Variants in SGCZ observed in about 807,000 individuals in gnomAD.
The protein encoded by SGCZ is zeta-sarcoglycan.
In SGCZ, 40 loss-of-function variants were observed where a neutral mutation model predicts 41.3. The observed-to-expected ratio is 0.97, with a 90% CI of 0.75 to 1.26. The LOEUF is 1.26. SGCZ is among the 50% of genes most tolerant of loss of function. The pLI, the probability that SGCZ is intolerant of heterozygous loss-of-function variation, is 0.00. For synonymous variants in SGCZ, 206 were observed against 137.5 expected (o/e 1.50, Z -3.49); for missense variants, 552 against 369.8 (o/e 1.49, Z -4.04).
chr8:14,966,205 G>A (rs1215255600), intron 1 of SGCZ, among the ~76,000 whole-genome samples: 1 of 151,752 alleles, frequency 6.6e-6, no homozygotes, highest in East Asian at 1.9e-4. Context: ...AGGCAAGAAT[G>A]ACTCCTATAA....
At chr8:15,124,949 T>C (rs1309788558) in intron 1 of SGCZ, among the ~76,000 whole-genome samples, 1 of 151,976 alleles carries the variant, frequency 6.6e-6, no homozygotes, top group African/African-American at 2.4e-5. Flanking sequence ...CTATGAATTA[T>C]GAAAAAAAAC....
rs567849734 is a variant in SGCZ, at chr8:14,692,511, T to A, written c.40-137585A>T. Among the ~76,000 whole-genome samples the A allele has an allele frequency of 8.5e-5, 13 of 152,308 alleles. No individual in the cohort carries two copies. The South Asian group carries it at 2.7e-3, about 32-fold the overall frequency. On this transcript the variant is annotated intron_variant, in intron 1 of 7. Coordinates refer to ENST00000382080, the MANE Select transcript of SGCZ (RefSeq NM_139167.4). The stretch of plus-strand genomic sequence containing the variant: ...GAAAGTAATCTTGGTTTATATTTCC[T>A]AGCATTAAAATATTCTTGTTGTACA...
At chr8:14,152,688 G>A (rs552434730) in intron 5 of SGCZ, among the ~76,000 whole-genome samples, 1 of 152,174 alleles carries the variant, frequency 6.6e-6, no homozygotes, top group East Asian at 1.9e-4. Context: ...ATTTATCTCA[G>A]ATAAAGAAAA....
chr8:14,168,643 C>T (rs779515142), intron 4 of SGCZ, among the ~76,000 whole-genome samples: 6 of 152,244 alleles, frequency 3.9e-5, no homozygotes, highest in African/African-American at 1.2e-4. Flanking sequence ...GTCCATAAAC[C>T]GCTTTTTCTT....
intron 2 of SGCZ, among the ~76,000 whole-genome samples, chr8:14,326,267 G>A (rs976518899): frequency 1.3e-5 from 2 of 152,068 alleles, no homozygotes; most frequent in African/African-American, 2.4e-5. Context: ...TGTGTTCAGG[G>A]ATGTTGTGAT....
chr8:14,570,920 T>G (rs979003262), intron 1 of SGCZ, among the ~76,000 whole-genome samples: 1 of 152,214 alleles, frequency 6.6e-6, no homozygotes, highest in African/African-American at 2.4e-5. Flanking sequence ...TGGTTATGTA[T>G]GTAAAATACA....
chr8:14,886,030 T>TATATATATATATATATATATATATAC (rs1554517469), intron 1 of SGCZ, among the ~76,000 whole-genome samples: 1 of 98,944 alleles, frequency 1.0e-5, no homozygotes, highest in African/African-American at 3.9e-5. Context: ...TATATATATA[T>TATATATATATATATATATATATATAC]ATATAAAATT....
chr8:14,724,615 A>G (rs1809993583), intron 1 of SGCZ, among the ~76,000 whole-genome samples: 1 of 151,810 alleles, frequency 6.6e-6, no homozygotes, highest in South Asian at 2.1e-4. Flanking sequence ...ATAAATAATC[A>G]GAGTGAATAT....
intron 3 of SGCZ, among the ~76,000 whole-genome samples, chr8:14,263,114 G>C (rs1799731662): frequency 1.3e-5 from 2 of 152,032 alleles, no homozygotes; most frequent in South Asian, 4.1e-4. Flanking sequence ...GTGTTTAATG[G>C]AAGTTAAGAT....
chr8:14,525,163 G>C (rs553648797), intron 2 of SGCZ, among the ~76,000 whole-genome samples: 1 of 105,046 alleles, frequency 9.5e-6, no homozygotes, highest in Non-Finnish European at 1.8e-5. Flanking sequence ...TAGATAGATA[G>C]ATAGATAGAT....
intron 2 of SGCZ, among the ~76,000 whole-genome samples, chr8:14,525,861 G>A (rs956926365): frequency 9.2e-5 from 14 of 151,930 alleles, no homozygotes; most frequent in Admixed American, 9.2e-4. Context: ...TGCAGTCCTG[G>A]GGCATCATTA....
At chr8:14,332,592 T>C (rs1364726681) in intron 2 of SGCZ, 1 of 152,140 alleles carries the variant, frequency 6.6e-6, no homozygotes, top group African/African-American at 2.4e-5. Flanking sequence ...CAATTGATTG[T>C]TCACAGTCAG....
chr8:14,350,929 C>T (rs547866284), intron 2 of SGCZ, among the ~76,000 whole-genome samples: 123 of 152,248 alleles, frequency 8.1e-4, no homozygotes, highest in Middle Eastern at 6.8e-3. Context: ...ATATTCACTG[C>T]TAATATTTCA....
intron 1 of SGCZ, among the ~76,000 whole-genome samples, chr8:15,057,908 G>A (rs1377060000): frequency 6.6e-6 from 1 of 152,046 alleles, no homozygotes; most frequent in Non-Finnish European, 1.5e-5. Flanking sequence ...CACCTAATCT[G>A]GGCCAAGCCT....
At chr8:15,047,153 A>G (rs1804336841) in intron 1 of SGCZ, among the ~76,000 whole-genome samples, 1 of 151,992 alleles carries the variant, frequency 6.6e-6, no homozygotes, top group African/African-American at 2.4e-5. Flanking sequence ...TTTATCTTGT[A>G]TATTTCCATA....
intron 1 of SGCZ, among the ~76,000 whole-genome samples, chr8:14,643,227 T>A (rs1807085319): frequency 6.6e-6 from 1 of 151,606 alleles, no homozygotes; most frequent in Non-Finnish European, 1.5e-5. Flanking sequence ...AACTCCACCT[T>A]TGAACGCTGT....
At chr8:14,782,918 C>CT (rs199676485) in intron 1 of SGCZ, among the ~76,000 whole-genome samples, 1,598 of 152,058 alleles carry the variant, frequency 0.011, 13 homozygotes, top group Middle Eastern at 0.051. Flanking sequence ...TGTGCTGAAT[C>CT]TTTTTTTTAT....
At chr8:14,802,436 T>G (rs1219984892) in intron 1 of SGCZ, among the ~76,000 whole-genome samples, 1 of 152,214 alleles carries the variant, frequency 6.6e-6, no homozygotes, top group Non-Finnish European at 1.5e-5. Context: ...AAAGTAATTT[T>G]AAGCAGTGAC....
chr8:14,394,139 C>CCCCA (rs1186144877), intron 2 of SGCZ, among the ~76,000 whole-genome samples: 4 of 138,786 alleles, frequency 2.9e-5, no homozygotes, highest in African/African-American at 1.2e-4. Flanking sequence ...CTACCGCCCC[C>CCCCA]CACCTTTTTT....
Sources: gnomAD v4.1 joint callset for allele counts (sites outside exome capture counted in the v4.1 genomes callset) on GRCh38, gnomAD v4.1.1 for gene constraint, MANE v1.5 for transcripts, NCBI Gene and HGNC (gene_info 2026-07-23, HGNC 2026-07-21) for gene names.